CASZ1: variants seen among roughly 807,000 people sequenced by gnomAD.
CASZ1 encodes zinc finger protein castor homolog 1.
Under a neutral mutation model 135.2 loss-of-function variants are expected in CASZ1, and 28 were observed. The ratio of observed to expected loss-of-function variants is 0.21; its 90% confidence interval spans 0.15 to 0.28. CASZ1 has a LOEUF of 0.28. CASZ1 is among the 10% of genes least tolerant of loss of function. CASZ1 has a pLI of 1.00. For missense variants in CASZ1, 2,161 were observed against 2,453.3 expected, an observed-to-expected ratio of 0.88 and a Z score of 2.52; for synonymous variants, 1,068 against 1,073.4, an observed-to-expected ratio of 0.99 and a Z score of 0.10.
intron 1 of CASZ1, among the ~76,000 whole-genome samples, chr1:10,766,137 G>T (rs991013703): frequency 6.6e-6 from 1 of 151,994 alleles, no homozygotes; most frequent in African/African-American, 2.4e-5. Flanking sequence ...TGATCTATCT[G>T]CAGGAACCAA....
chr1:10,644,855 C>A, intron 18 of CASZ1, 62 bp downstream of exon 18: 1 of 1,540,016 alleles, frequency 6.5e-7, no homozygotes, highest in South Asian at 1.2e-5. Context: ...CGGCCCAGGC[C>A]ACGGGGGCCA....
At chr1:10,796,219 C>T (rs1641067868) in intron 1 of CASZ1, among the ~76,000 whole-genome samples, 1 of 152,142 alleles carries the variant, frequency 6.6e-6, no homozygotes, top group Non-Finnish European at 1.5e-5. Context: ...CCGCCACCCC[C>T]TCAGTTGGAG....
chr1:10,773,048 G>A (rs205475), intron 1 of CASZ1, among the ~76,000 whole-genome samples: 20,267 of 152,084 alleles, frequency 0.13, 2,196 homozygotes, highest in African/African-American at 0.3. Flanking sequence ...GAGGAAGGAA[G>A]GACCACAGAG....
chr1:10,728,521 A>T (rs1012207413), intron 2 of CASZ1, among the ~76,000 whole-genome samples: 45 of 152,026 alleles, frequency 3.0e-4, no homozygotes, highest in African/African-American at 1.0e-3. Flanking sequence ...AACTTTCTGA[A>T]TTGTTTCTCT....
chr1:10,775,326 A>G (rs994553211), intron 1 of CASZ1, among the ~76,000 whole-genome samples: 1 of 151,924 alleles, frequency 6.6e-6, no homozygotes, highest in Non-Finnish European at 1.5e-5. Context: ...CCTACCTATA[A>G]CCATCATCCA....
At chr1:10,688,072 G>A (rs1444397593) in intron 4 of CASZ1, among the ~76,000 whole-genome samples, 1 of 152,194 alleles carries the variant, frequency 6.6e-6, no homozygotes, top group Non-Finnish European at 1.5e-5. Flanking sequence ...GTGAGCCCCG[G>A]CCCGTACCAG....
chr1:10,672,815 C>T (rs1487452979), intron 4 of CASZ1, among the ~76,000 whole-genome samples: 1 of 152,344 alleles, frequency 6.6e-6, no homozygotes, highest in African/African-American at 2.4e-5. Flanking sequence ...TCCACGCCTG[C>T]GAGAGACACA....
chr1:10,650,539 A>G, intron 13 of CASZ1, 153 bp downstream of exon 13: 2 of 650,558 alleles, frequency 3.1e-6, no homozygotes, highest in African/African-American at 1.8e-5. Context: ...CTCTGAAATT[A>G]TATCCGATGA....
intron 1 of CASZ1, among the ~76,000 whole-genome samples, chr1:10,779,318 G>GTTT (rs1458649779): frequency 1.4e-5 from 2 of 146,236 alleles, no homozygotes; most frequent in African/African-American, 5.1e-5. Context: ...CTGGCCTAGG[G>GTTT]TTTTGGGCAA....
At chr1:10,712,896 G>C (rs1639313349) in intron 2 of CASZ1, among the ~76,000 whole-genome samples, 2 of 152,182 alleles carry the variant, frequency 1.3e-5, no homozygotes, top group South Asian at 4.1e-4. Flanking sequence ...GCGCCCCTCT[G>C]GATGGGTCTG....
In CASZ1 at chr1:10,647,606, T is replaced by C. The variant is rs1296123955; in HGVS notation, c.3497+195A>G. On this transcript the variant is annotated intron_variant, in intron 16 of 20. Coordinates refer to ENST00000377022, the MANE Select transcript of CASZ1 (RefSeq NM_001079843.3). The surrounding 1 kb of genome is among the most constrained non-coding windows in gnomAD (Gnocchi z 4.9). Reference sequence around the variant, plus strand: ...CACCATCGGCCCACGCGGGCTGGCCTGCTCTGGGACAGGCAGTGAGGTAGG... The same window carrying C: ...CACCATCGGCCCACGCGGGCTGGCCCGCTCTGGGACAGGCAGTGAGGTAGG... 6.9e-7 allele frequency: 1 copy of C among 1,439,876 alleles called. No homozygotes were observed. The highest frequency in any genetic ancestry group is 9.1e-7 in the Non-Finnish European group (1 of 1,100,302). 89.2% of individuals were successfully genotyped at this position (1,439,876 alleles called of 1,614,324 possible).
At chr1:10,680,424 A>C (rs914178139) in intron 4 of CASZ1, among the ~76,000 whole-genome samples, 1 of 152,138 alleles carries the variant, frequency 6.6e-6, no homozygotes, top group East Asian at 1.9e-4. Flanking sequence ...TCTAAAGGTG[A>C]ACTCAAATCC....
chr1:10,667,844 A>ACCCAG (rs1200422870), intron 4 of CASZ1, among the ~76,000 whole-genome samples: 3 of 20,756 alleles, frequency 1.4e-4, no homozygotes, highest in Non-Finnish European at 1.0e-4. Flanking sequence ...ACTTTGGCCC[A>ACCCAG]CCCAGCCCAG....
intron 5 of CASZ1, among the ~76,000 whole-genome samples, chr1:10,664,346 C>T (rs1557484573): frequency 6.6e-6 from 1 of 152,048 alleles, no homozygotes; most frequent in Non-Finnish European, 1.5e-5. Flanking sequence ...CCCGGCCCAC[C>T]CTCCCCTGAG....
rs1402260355 is a variant in CASZ1 at position 10,657,427 on chromosome 1, G to A, written c.1410-691C>T. Among the ~76,000 whole-genome samples the A allele has an allele frequency of 2.0e-5, 3 of 152,170 alleles. No homozygotes were observed. Among genetic ancestry groups the A allele is most frequent in the Admixed American group, 6.5e-5 (1 of 15,280 alleles). On this transcript the variant is annotated intron_variant, in intron 7 of 20. Transcript: ENST00000377022. This position sits in a 1 kb window ranked among gnomAD's most constrained non-coding sequence, Gnocchi z 5.7. ...TGTGGAGAAGGGTGTGACTCAGCCC[G>A]CCTGTACCCCTCCAAGACTGAAGTG... is the stretch of plus-strand genomic sequence containing the variant.
rs1297456258 is a variant in CASZ1, at chr1:10,637,001, TAAAAC to T, written c.*1936_*1940del. The T allele has an allele frequency of 6.6e-6, 1 of 152,204 alleles. No homozygotes were observed. The highest frequency in any genetic ancestry group is 2.4e-5 in the African/African-American group (1 of 41,350). 9.4% of individuals were successfully genotyped at this position (152,204 alleles called of 1,614,324 possible). Reference sequence around the variant, plus strand: ...GCATTGTTTCCCCACAGAAAGAAAATAAAACAAAAATTACACGTTAAAATTCAAAA... The same window carrying T: ...GCATTGTTTCCCCACAGAAAGAAAATAAAAATTACACGTTAAAATTCAAAA... On this transcript the variant is annotated 3_prime_UTR_variant, in exon 21 of 21. Coordinates refer to ENST00000377022, the MANE Select transcript of CASZ1 (RefSeq NM_001079843.3).
At chr1:10,723,630 G>A (rs1049653292) in intron 2 of CASZ1, among the ~76,000 whole-genome samples, 2 of 152,188 alleles carry the variant, frequency 1.3e-5, no homozygotes, top group African/African-American at 4.8e-5. Context: ...CTTTGCAGGT[G>A]CCTTTCTCAT....
intron 2 of CASZ1, among the ~76,000 whole-genome samples, chr1:10,737,673 T>C (rs1179066962): frequency 6.6e-6 from 1 of 152,222 alleles, no homozygotes; most frequent in Non-Finnish European, 1.5e-5. Context: ...CTCAGCTCCA[T>C]TAGCCTCTCC....
rs941502689 is a variant in CASZ1, at chr1:10,788,771, C to T, written c.-234+7793G>A. ...AAGCTGGTCACTGGCAGGGCTGGCC[C>T]GGGAGCTGTGCCATGCCCTGGGCCA... On this transcript the variant is annotated intron_variant, in intron 1 of 20. Coordinates refer to ENST00000377022, the MANE Select transcript of CASZ1 (RefSeq NM_001079843.3). This position sits in a 1 kb window ranked among gnomAD's most constrained non-coding sequence, Gnocchi z 4.1. Among the ~76,000 whole-genome samples, 5 of 152,222 alleles carry T rather than the reference C, an allele frequency of 3.3e-5. No individual in the cohort carries two copies. The highest frequency in any genetic ancestry group is 2.1e-4 in the South Asian group (1 of 4,826).
Sources: allele counts gnomAD v4.1 joint callset (sites outside exome capture counted in the v4.1 genomes callset), GRCh38; gene constraint gnomAD v4.1.1; non-coding constraint Gnocchi (gnomAD v3.1); transcripts MANE v1.5; gene names NCBI Gene and HGNC (gene_info 2026-07-23, HGNC 2026-07-21).